The following BBX variants were observed in gnomAD, a reference collection of about 807,000 sequenced individuals.
The protein encoded by BBX is HMG box transcription factor BBX.
A neutral mutation model predicts 100.2 loss-of-function variants in BBX; 30 were observed. That is an observed-to-expected ratio of 0.30 (90% CI 0.22 to 0.41). The LOEUF is 0.41. Ranked by LOEUF, BBX falls within the 10% of genes least tolerant of loss-of-function variation. The pLI is 1.00. For missense variants in BBX, 1,023 were observed against 1,129.8 expected, an observed-to-expected ratio of 0.91 and a Z score of 1.35; for synonymous variants, 376 against 388.1, an observed-to-expected ratio of 0.97 and a Z score of 0.37.
At chr3:107,650,092 T>C (rs1454498338) in intron 3 of BBX, among the ~76,000 whole-genome samples, 1 of 152,162 alleles carries the variant, frequency 6.6e-6, no homozygotes, top group Non-Finnish European at 1.5e-5. Context: ...TTAAGATTTT[T>C]ATGGTGCTGT....
intron 7 of BBX, 38 bp from the exon 8 acceptor site, chr3:107,744,592 T>C (rs1177909177): frequency 1.3e-6 from 2 of 1,514,384 alleles, no homozygotes; most frequent in Non-Finnish European, 1.8e-6. Flanking sequence ...ACACAGTAAA[T>C]AGTACAAAAG....
At chr3:107,664,317 A>G (rs1210512489) in intron 3 of BBX, among the ~76,000 whole-genome samples, 1 of 152,134 alleles carries the variant, frequency 6.6e-6, no homozygotes, top group Non-Finnish European at 1.5e-5. Flanking sequence ...GTTACATTTT[A>G]TGCTCCCACT....
rs865839328 is a variant in BBX at position 107,801,367 on chromosome 3, T to C, written c.2738+86T>C. On this transcript the variant is annotated intron_variant, in intron 17 of 17. Coordinates refer to ENST00000325805, the MANE Select transcript of BBX (RefSeq NM_001142568.3). ...GATTTGTGACATTTTTTACAGGGCA[T>C]TGGGGTTCAAACTTGGTTCAAGAGC... 1.2e-5 allele frequency: 18 copies of C among 1,449,676 alleles called. No individual in the cohort carries two copies. In the Middle Eastern group the frequency reaches 2.5e-3, roughly 205 times the overall value. 89.8% of individuals were successfully genotyped at this position (1,449,676 alleles called of 1,614,324 possible).
chr3:107,611,162 C>G (rs1196693962), intron 2 of BBX, among the ~76,000 whole-genome samples: 1 of 152,006 alleles, frequency 6.6e-6, no homozygotes, highest in African/African-American at 2.4e-5. Context: ...CACTTTTTAA[C>G]ATTTTGCTTT....
intron 5 of BBX, among the ~76,000 whole-genome samples, chr3:107,718,986 TG>T (rs762379634): frequency 5.9e-5 from 9 of 152,080 alleles, no homozygotes; most frequent in Admixed American, 1.3e-4. Flanking sequence ...ACTTTCTAAA[TG>T]GTTTTGCAGT....
At chr3:107,746,499 T>C (rs1409098199) in intron 8 of BBX, among the ~76,000 whole-genome samples, 1 of 152,258 alleles carries the variant, frequency 6.6e-6, no homozygotes, top group Non-Finnish European at 1.5e-5. Flanking sequence ...GGTTGATATT[T>C]GTTCTTCTTA....
At chr3:107,713,967 C>CTTTTTTTTTTTTT (rs569427270) in intron 4 of BBX, among the ~76,000 whole-genome samples, 8 of 82,280 alleles carry the variant, frequency 9.7e-5, no homozygotes, top group Non-Finnish European at 1.5e-4. Context: ...TAATTTTTTT[C>CTTTTTTTTTTTTT]TTTTTTTTTT....
intron 7 of BBX, among the ~76,000 whole-genome samples, chr3:107,733,440 A>G (rs1474052314): frequency 1.2e-4 from 19 of 152,144 alleles, no homozygotes; most frequent in Non-Finnish European, 2.5e-4. Flanking sequence ...GAATAATTCC[A>G]AACAGCTGTT....
At chr3:107,701,178 T>G (rs2061020272) in intron 3 of BBX, among the ~76,000 whole-genome samples, 1 of 152,190 alleles carries the variant, frequency 6.6e-6, no homozygotes, top group Non-Finnish European at 1.5e-5. Context: ...GATTTGCATT[T>G]CTCTGATGGC....
At chr3:107,624,640 G>A (rs561918717) in intron 2 of BBX, among the ~76,000 whole-genome samples, 24 of 152,082 alleles carry the variant, frequency 1.6e-4, no homozygotes, top group African/African-American at 4.6e-4. Flanking sequence ...AGGCTGAGGC[G>A]GGCAGATCAC....
intron 3 of BBX, among the ~76,000 whole-genome samples, chr3:107,669,081 G>A (rs1021874253): frequency 2.0e-5 from 3 of 152,088 alleles, no homozygotes; most frequent in Non-Finnish European, 4.4e-5. Context: ...AAGACTCCCT[G>A]CCTGTAATTA....
chr3:107,764,586 C>T (rs1277320560), intron 10 of BBX, among the ~76,000 whole-genome samples: 1 of 152,198 alleles, frequency 6.6e-6, no homozygotes, highest in African/African-American at 2.4e-5. Flanking sequence ...AACATTTTAA[C>T]TTCTTTGAAT....
chr3:107,701,618 G>T (rs1409622007), intron 3 of BBX, among the ~76,000 whole-genome samples: 1 of 152,172 alleles, frequency 6.6e-6, no homozygotes, highest in Non-Finnish European at 1.5e-5. Flanking sequence ...AGCTCACCAA[G>T]TGCTCAGTAA....
At chr3:107,621,787 G>A (rs749440305) in intron 2 of BBX, among the ~76,000 whole-genome samples, 3 of 152,136 alleles carry the variant, frequency 2.0e-5, no homozygotes, top group Non-Finnish European at 4.4e-5. Context: ...GATGCAGTTC[G>A]GTTGATCCTA....
At chr3:107,712,730 A>G (rs567649518) in intron 4 of BBX, among the ~76,000 whole-genome samples, 1 of 152,260 alleles carries the variant, frequency 6.6e-6, no homozygotes, top group African/African-American at 2.4e-5. Flanking sequence ...CAGCCAGAGG[A>G]ATCCCTTCAA....
At chr3:107,576,573 A>C (rs1315000588) in intron 2 of BBX, among the ~76,000 whole-genome samples, 1 of 152,170 alleles carries the variant, frequency 6.6e-6, no homozygotes, top group Admixed American at 6.5e-5. Context: ...TGAAAGCCAA[A>C]ATTTAAAAGA....
intron 2 of BBX, among the ~76,000 whole-genome samples, chr3:107,528,521 T>G (rs1039248575): frequency 7.9e-5 from 12 of 152,234 alleles, no homozygotes; most frequent in African/African-American, 2.9e-4. Context: ...ATTTTTTTGT[T>G]CAAGGTATAT....
intron 10 of BBX, among the ~76,000 whole-genome samples, chr3:107,764,845 C>A (rs2066245870): frequency 6.6e-6 from 1 of 152,130 alleles, no homozygotes; most frequent in Admixed American, 6.5e-5. Flanking sequence ...GATTTATGTT[C>A]TTTTATGTCT....
chr3:107,764,841 T>C (rs1214385456), intron 10 of BBX, among the ~76,000 whole-genome samples: 2 of 152,230 alleles, frequency 1.3e-5, no homozygotes, highest in Non-Finnish European at 2.9e-5. Flanking sequence ...CATTGATTTA[T>C]GTTCTTTTAT....
Sources: gnomAD v4.1 joint callset for allele counts (sites outside exome capture counted in the v4.1 genomes callset) on GRCh38, gnomAD v4.1.1 for gene constraint, MANE v1.5 for transcripts, NCBI Gene and HGNC (gene_info 2026-07-23, HGNC 2026-07-21) for gene names.